PTPRT: variants seen among roughly 807,000 people sequenced by gnomAD.
The protein encoded by PTPRT is receptor-type tyrosine-protein phosphatase T.
A neutral mutation model predicts 176.8 loss-of-function variants in PTPRT; 56 were observed. That is an observed-to-expected ratio of 0.32 (90% CI 0.26 to 0.40). The LOEUF is 0.40. PTPRT is among the 10% of genes least tolerant of loss of function. The probability of loss-of-function intolerance (pLI) is 1.00; values close to 1 mark genes in which losing one functional copy is unlikely to be tolerated. For synonymous variants in PTPRT, 783 were observed against 739.0 expected (o/e 1.06, Z -0.96); for missense variants, 1,540 against 1,908.2 (o/e 0.81, Z 3.60).
chr20:42,542,021 G>A (rs762568021), intron 7 of PTPRT, among the ~76,000 whole-genome samples: 3 of 152,008 alleles, frequency 2.0e-5, no homozygotes, highest in Admixed American at 6.6e-5. Context: ...TGCTGTTCTC[G>A]TAATTGTGAA....
At chr20:42,255,314 C>T (rs937364537) in intron 13 of PTPRT, among the ~76,000 whole-genome samples, 2 of 152,134 alleles carry the variant, frequency 1.3e-5, no homozygotes, top group Non-Finnish European at 1.5e-5. Context: ...CAAGTTCACA[C>T]TGGGATTTTC....
chr20:43,153,179 A>G (rs571983498), intron 1 of PTPRT, among the ~76,000 whole-genome samples: 33 of 152,326 alleles, frequency 2.2e-4, no homozygotes, highest in Non-Finnish European at 5.9e-5. Context: ...CATGAAGCTA[A>G]TATCTTGAGA....
At chr20:42,801,671 C>A (rs1326024387) in intron 2 of PTPRT, among the ~76,000 whole-genome samples, 1 of 152,112 alleles carries the variant, frequency 6.6e-6, no homozygotes. Context: ...AGAACCCAGA[C>A]TTGATTTGGG....
At chr20:42,951,304 T>C (rs188358419) in intron 1 of PTPRT, among the ~76,000 whole-genome samples, 1 of 149,892 alleles carries the variant, frequency 6.7e-6, no homozygotes, top group African/African-American at 2.5e-5. Context: ...GGATGATGGA[T>C]GAGTAGATGG....
rs557881240 is a variant in PTPRT, at chr20:42,666,155, G to A, written c.1153+11711C>T. 4.6e-5 allele frequency among the ~76,000 whole-genome samples: 7 copies of A among 152,196 alleles called. No homozygotes were observed. The East Asian group carries it at 7.7e-4, about 17-fold the overall frequency. On this transcript the variant is annotated intron_variant, in intron 7 of 30. Transcript: ENST00000373187. ...AAGAAAATAAAATAAAATTAGTTAT[G>A]TAACATCTCATCATAAGTTGTTTAT...
chr20:42,291,229 C>T (rs1170792892), intron 12 of PTPRT, among the ~76,000 whole-genome samples: 1 of 152,048 alleles, frequency 6.6e-6, no homozygotes, highest in Non-Finnish European at 1.5e-5. Context: ...GTCAACTGCT[C>T]AACAGATATT....
intron 6 of PTPRT, among the ~76,000 whole-genome samples, chr20:42,717,572 A>G (rs2076244070): frequency 6.7e-6 from 1 of 150,008 alleles, no homozygotes; most frequent in East Asian, 1.9e-4. Context: ...AATTCTAAAG[A>G]TAATGTGAGA....
chr20:42,754,174 T>C (rs975821396), intron 6 of PTPRT, among the ~76,000 whole-genome samples: 1 of 145,230 alleles, frequency 6.9e-6, no homozygotes, highest in Non-Finnish European at 1.5e-5. Context: ...AATATAATAA[T>C]AATAAATCTT....
intron 1 of PTPRT, among the ~76,000 whole-genome samples, chr20:43,086,507 T>G (rs1193180525): frequency 6.6e-6 from 1 of 152,174 alleles, no homozygotes; most frequent in African/African-American, 2.4e-5. Context: ...GCAAAACCTT[T>G]AACTAGAGGG....
chr20:42,314,896 C>A (rs74167769), intron 12 of PTPRT, among the ~76,000 whole-genome samples: 1 of 151,076 alleles, frequency 6.6e-6, no homozygotes, highest in African/African-American at 2.4e-5. Flanking sequence ...TAAATGAGTT[C>A]TCTGTCATTG....
chr20:42,408,959 C>T (rs142119132), intron 9 of PTPRT, among the ~76,000 whole-genome samples: 21 of 152,292 alleles, frequency 1.4e-4, no homozygotes, highest in East Asian at 1.2e-3. Context: ...CTCATAAGAA[C>T]GCTAACCCCA....
At position 42,076,588 on chromosome 20, in the gene PTPRT, G is replaced by A. The variant is rs573818160; in HGVS notation, c.*4291C>T. On this transcript the variant is annotated 3_prime_UTR_variant, in exon 31 of 31. Coordinates refer to ENST00000373187, the MANE Select transcript of PTPRT (RefSeq NM_007050.6). ...GAGCTGCCTAGGAGAAGGTCAGTTG[G>A]TCTTGATCTTGAGCCTATAACTGGC... The A allele has an allele frequency of 6.0e-4, 118 of 196,066 alleles. No individual in the cohort carries two copies. The highest frequency in any genetic ancestry group is 5.2e-3 in the Middle Eastern group (3 of 578). The allele number at this position is 196,066 out of a possible 1,614,324, so 12.1% of individuals were successfully genotyped here.
At chr20:43,103,832 T>C (rs2012492155) in intron 1 of PTPRT, among the ~76,000 whole-genome samples, 1 of 151,844 alleles carries the variant, frequency 6.6e-6, no homozygotes. Context: ...AAAACACTGA[T>C]ATAATGTGAA....
chr20:42,440,718 C>T (rs2059307934), intron 9 of PTPRT, among the ~76,000 whole-genome samples: 1 of 152,036 alleles, frequency 6.6e-6, no homozygotes, highest in South Asian at 2.1e-4. Flanking sequence ...ACCTCATGAT[C>T]CGCCCGCCTT....
intron 1 of PTPRT, among the ~76,000 whole-genome samples, chr20:43,080,633 A>G (rs1358212462): frequency 6.6e-6 from 1 of 152,206 alleles, no homozygotes; most frequent in African/African-American, 2.4e-5. Flanking sequence ...TCACTGGGAA[A>G]TGGCTGCCCA....
At chr20:42,590,571 G>T (rs189134656) in intron 7 of PTPRT, among the ~76,000 whole-genome samples, 2 of 152,212 alleles carry the variant, frequency 1.3e-5, no homozygotes, top group Admixed American at 1.3e-4. Flanking sequence ...AGAGGGGCAT[G>T]CAAGATACTT....
At chr20:43,118,237 C>A (rs895546486) in intron 1 of PTPRT, among the ~76,000 whole-genome samples, 1 of 152,086 alleles carries the variant, frequency 6.6e-6, no homozygotes, top group Non-Finnish European at 1.5e-5. Flanking sequence ...AGCCCATGGG[C>A]CATATTTTGT....
At chr20:42,283,739 T>C (rs2057179519) in intron 12 of PTPRT, among the ~76,000 whole-genome samples, 1 of 152,102 alleles carries the variant, frequency 6.6e-6, no homozygotes, top group Non-Finnish European at 1.5e-5. Flanking sequence ...CTATGCGTGC[T>C]TTATTGGCTA....
the PTPRT span, among the ~76,000 whole-genome samples, chr20:42,053,552 TGCTG>T: frequency 1.3e-5 from 2 of 152,176 alleles, no homozygotes; most frequent in African/African-American, 4.8e-5. Flanking sequence ...GCTCAGGAGA[TGCTG>T]GCCACTGCAC....
Sources: allele counts gnomAD v4.1 joint callset (sites outside exome capture counted in the v4.1 genomes callset), GRCh38; gene constraint gnomAD v4.1.1; transcripts MANE v1.5; gene names NCBI Gene and HGNC (gene_info 2026-07-23, HGNC 2026-07-21).